The following CASC3 variants were observed in gnomAD, a reference collection of about 807,000 sequenced individuals.
The protein encoded by CASC3 is protein CASC3.
In CASC3, 30 loss-of-function variants were observed where a neutral mutation model predicts 80.5. The ratio of observed to expected loss-of-function variants is 0.37; its 90% CI spans 0.28 to 0.51. The LOEUF (loss-of-function observed/expected upper bound fraction) is 0.51. Ranked by LOEUF, CASC3 falls within the 20% of genes least tolerant of loss-of-function variation. The pLI is 0.94. For missense variants in CASC3, 824 were observed against 922.2 expected (o/e 0.89, Z 1.38); for synonymous variants, 312 against 333.6 (o/e 0.94, Z 0.70).
chr17:40,168,077 C>A, intron 10 of CASC3, 126 bp from the exon 11 acceptor site: 1 of 1,274,322 alleles, frequency 7.8e-7, no homozygotes. Context: ...GCTTGGGCAA[C>A]AAGTTCCTCT....
chr17:40,160,514 A>G (rs1000068613), intron 3 of CASC3, among the ~76,000 whole-genome samples: 4 of 152,022 alleles, frequency 2.6e-5, no homozygotes, highest in African/African-American at 9.7e-5. Context: ...AAAAAAAGAT[A>G]ATTCATGGAG....
Position 40,161,851 on chromosome 17 carries a change from A to G in CASC3, c.396A>G (p.Gly132=). ...AVNSSTKEEK[G]EEKPDTKSTV... is the part of the protein sequence containing the mutation. ...ATTCTTCAACAAAAGAAGAGAAGGGAGAAGAAAAGCCTGACACCAAAAGCA... is the reference window on the plus strand; with the variant it reads ...ATTCTTCAACAAAAGAAGAGAAGGGGGAAGAAAAGCCTGACACCAAAAGCA... Residue 132 remains glycine (G), a synonymous_variant, in exon 4 of 14, where the codon GGA becomes GGG. Transcript: ENST00000264645. 6.2e-7 allele frequency: 1 copy of G among 1,614,218 alleles called. No homozygotes were observed. The highest frequency in any genetic ancestry group is 8.5e-7 in the Non-Finnish European group (1 of 1,180,042).
chr17:40,144,147 G>A (rs1399252237), intron 3 of CASC3, among the ~76,000 whole-genome samples: 1 of 148,518 alleles, frequency 6.7e-6, no homozygotes, highest in Non-Finnish European at 1.5e-5. Flanking sequence ...TAATCCCAGC[G>A]ACTCAGGAGG....
At chr17:40,164,928 T>C (rs1461023483) in intron 7 of CASC3, among the ~76,000 whole-genome samples, 1 of 148,816 alleles carries the variant, frequency 6.7e-6, no homozygotes, top group Non-Finnish European at 1.5e-5. Flanking sequence ...GCTAATTTTT[T>C]TTTTTTTTTT....
chr17:40,141,741 A>G (rs1258036115), intron 3 of CASC3, 134 bp downstream of exon 3: 1 of 783,172 alleles, frequency 1.3e-6, no homozygotes, highest in Non-Finnish European at 2.2e-6. Flanking sequence ...CTTCTGAAAA[A>G]GTGTTACAGA....
chr17:40,165,761 T>G (rs557662130), intron 7 of CASC3, among the ~76,000 whole-genome samples: 58 of 151,316 alleles, frequency 3.8e-4, no homozygotes, highest in Non-Finnish European at 5.3e-4. Context: ...GTTTTTTTTT[T>G]TGTTTTTTTT....
In CASC3 at chr17:40,163,571, A is replaced by G. The variant is rs1355988321; in HGVS notation, c.876A>G (p.Pro292=). ...HRHQGLGGTL[P]PRTFINRNAA... is the part of the protein sequence containing the mutation. ...ACCAGGGTCTTGGGGGCACCCTACC[A>G]CCAAGGACATTTATTAACAGGAATG... The change falls in exon 7 of 14, where the codon CCA becomes CCG. Residue 292 remains proline, a synonymous_variant. Transcript: ENST00000264645. The G allele has an allele frequency of 6.2e-7, 1 of 1,614,068 alleles. No homozygotes were observed. Among genetic ancestry groups the G allele is most frequent in the African/African-American group, 1.3e-5 (1 of 75,012 alleles).
In CASC3 at chr17:40,140,627, G is replaced by A; in HGVS notation, c.79G>A (p.Gly27Ser). The change falls in exon 1 of 14, where the codon GGC becomes AGC. Residue 27 changes from glycine (G) to serine (S), a missense_variant. Physicochemically the swap from Gly to Ser is moderately conservative, Grantham distance 56. Around this residue, in one of 3 missense-constraint regions of CASC3, gnomAD observed 159 missense variants for 122.2 expected, o/e 1.30. Transcript: ENST00000264645. Reference sequence around the variant, plus strand: ...TGGTGCTTCGGGCTCCGACAGCGGCGGCTCCCCGTTGCGGGGAGGCGGGAG... The same window carrying A: ...TGGTGCTTCGGGCTCCGACAGCGGCAGCTCCCCGTTGCGGGGAGGCGGGAG... The part of the protein sequence containing the change: ...ESGASGSDSG[G>S]SPLRGGGSCS... 1 of 1,609,308 alleles carries A rather than the reference G, an allele frequency of 6.2e-7. No homozygotes were observed. Among genetic ancestry groups the A allele is most frequent in the Non-Finnish European group, 8.5e-7 (1 of 1,179,192 alleles).
intron 1 of CASC3, 129 bp from the exon 2 acceptor site, chr17:40,141,078 A>G: frequency 2.3e-6 from 2 of 878,778 alleles, no homozygotes. Flanking sequence ...CTTGATAAAG[A>G]TTTACCTATC....
rs772013302 is a variant in CASC3 at position 40,163,523 on chromosome 17, G to T, written c.828G>T (p.Glu276Asp). 3.0e-5 allele frequency: 48 copies of T among 1,613,654 alleles called. No individual in the cohort carries two copies. The East Asian group carries it at 1.0e-3, about 35-fold the overall frequency. Reference protein sequence around the residue: ...PPQRDPNWNGERLNKSHRHQG... With the variant: ...PPQRDPNWNGDRLNKSHRHQG... ...AAAGAGATCCAAACTGGAACGGTGA[G>T]CGGCTAAACAAGTCTCATCGCCACC... is the stretch of plus-strand genomic sequence containing the variant. Residue 276 changes from glutamate to aspartate, a missense_variant, in exon 7 of 14, where the codon GAG (glutamate) becomes GAT (aspartate). Physicochemically the swap from Glu to Asp is conservative, Grantham distance 45 (BLOSUM62 2). Coordinates refer to ENST00000264645, the MANE Select transcript of CASC3 (RefSeq NM_007359.5).
chr17:40,166,501 G>A (rs1229320229), intron 7 of CASC3, among the ~76,000 whole-genome samples: 1 of 151,838 alleles, frequency 6.6e-6, no homozygotes, highest in Non-Finnish European at 1.5e-5. Context: ...AATCTCTCAG[G>A]GATTCTATGC....
intron 3 of CASC3, among the ~76,000 whole-genome samples, chr17:40,146,210 G>A (rs1444876631): frequency 6.6e-6 from 1 of 152,138 alleles, no homozygotes; most frequent in African/African-American, 2.4e-5. Flanking sequence ...GTGTGGCATG[G>A]AATAGAGTGG....
At position 40,168,293 on chromosome 17, in the gene CASC3, A is replaced by C. The variant is rs771428590; in HGVS notation, c.1841A>C (p.Gln614Pro). ...VSMSPGQPPP[Q>P]QLLAPTYFSA... ...ATGTCTCCAGGACAGCCACCACCTC[A>C]GCAGTTGCTTGCTCCTACTTACTTT... Residue 614 changes from glutamine to proline, a missense_variant, in exon 11 of 14, where the codon CAG (glutamine) becomes CCG (proline). Gln to Pro is a moderately conservative substitution (Grantham distance 76). Around this residue, in one of 3 missense-constraint regions of CASC3, gnomAD observed 464 missense variants for 506.0 expected, o/e 0.92. Transcript: ENST00000264645. 7 of 1,614,066 alleles carry C rather than the reference A, an allele frequency of 4.3e-6. No homozygotes were observed. Among genetic ancestry groups the C allele is most frequent in the Non-Finnish European group, 5.9e-6 (7 of 1,179,990 alleles).
intron 3 of CASC3, among the ~76,000 whole-genome samples, chr17:40,148,143 A>G (rs752553753): frequency 6.6e-5 from 10 of 152,098 alleles, no homozygotes; most frequent in Non-Finnish European, 1.3e-4. Context: ...CTAACTTCAC[A>G]GAGCTGCTTC....
chr17:40,163,300 A>G (rs1477050018), intron 6 of CASC3, among the ~76,000 whole-genome samples, 181 bp from the exon 7 acceptor site: 1 of 151,676 alleles, frequency 6.6e-6, no homozygotes, highest in Non-Finnish European at 1.5e-5. Flanking sequence ...GCGATCGGCT[A>G]ATTTTTGTAT....
intron 3 of CASC3, among the ~76,000 whole-genome samples, chr17:40,150,216 A>G (rs1469026595): frequency 6.6e-6 from 1 of 152,074 alleles, no homozygotes; most frequent in East Asian, 1.9e-4. Context: ...CCCTCTCTCT[A>G]CAAAAAATCA....
intron 2 of CASC3, 27 bp from the exon 3 acceptor site, chr17:40,141,543 T>G (rs1567674903): frequency 6.2e-7 from 1 of 1,609,954 alleles, no homozygotes; most frequent in Non-Finnish European, 8.5e-7. Flanking sequence ...GGTTTCTTTT[T>G]TTCCACATAT....
chr17:40,144,523 G>C (rs1988803412), intron 3 of CASC3, among the ~76,000 whole-genome samples: 1 of 151,036 alleles, frequency 6.6e-6, no homozygotes, highest in East Asian at 2.0e-4. Flanking sequence ...TTTTGTATTT[G>C]TAGTAGAGAC....
rs993588493 is a variant in CASC3 at position 40,167,725 on chromosome 17, A to G, written c.1651+113A>G. Reference sequence around the variant, plus strand: ...TGACCTCTTATAGTGGTTATCAAACATTGTCTGGTTGCTGTTTTCTTCGCA... The same window carrying G: ...TGACCTCTTATAGTGGTTATCAAACGTTGTCTGGTTGCTGTTTTCTTCGCA... On this transcript the variant is annotated intron_variant, in intron 9 of 13. Transcript: ENST00000264645. 2.3e-5 allele frequency: 28 copies of G among 1,241,478 alleles called. No individual in the cohort carries two copies. In the African/African-American group the frequency reaches 4.0e-4, roughly 18 times the overall value. 76.9% of individuals were successfully genotyped at this position (1,241,478 alleles called of 1,614,324 possible). A position where few individuals can be genotyped will look rare whatever the true frequency, so the allele number is the denominator to read the frequency against.
Sources: gnomAD v4.1 joint callset for allele counts (sites outside exome capture counted in the v4.1 genomes callset) on GRCh38, gnomAD v4.1.1 for gene constraint, gnomAD v4.1.1 regional missense constraint, MANE v1.5 for transcripts, NCBI Gene and HGNC (gene_info 2026-07-23, HGNC 2026-07-21) for gene names.